MED27: variants seen among roughly 807,000 people sequenced by gnomAD.
The protein encoded by MED27 is mediator of RNA polymerase II transcription subunit 27.
In MED27, 30 loss-of-function variants were observed where a neutral mutation model predicts 38.2. The ratio of observed to expected loss-of-function variants is 0.79; its 90% CI spans 0.59 to 1.07. MED27 has a LOEUF of 1.07. MED27 is among the 50% of genes least tolerant of loss of function. The pLI, the probability that MED27 is intolerant of heterozygous loss-of-function variation, is 0.00. For missense variants in MED27, 289 were observed against 397.5 expected (o/e 0.73, Z 2.32); for synonymous variants, 122 against 153.5 (o/e 0.79, Z 1.52).
chr9:131,998,117 T>C (rs1832134776), intron 3 of MED27, among the ~76,000 whole-genome samples: 2 of 151,778 alleles, frequency 1.3e-5, no homozygotes, highest in South Asian at 4.2e-4. Context: ...TCCCCTCCAT[T>C]TGCAAAGAAC....
intron 3 of MED27, among the ~76,000 whole-genome samples, chr9:132,000,933 T>C (rs1832216996): frequency 6.6e-6 from 1 of 151,666 alleles, no homozygotes; most frequent in Non-Finnish European, 1.5e-5. Context: ...TAGGCCATCT[T>C]TACAAAAAAC....
At chr9:131,886,287 A>G (rs2131490345) in intron 5 of MED27, among the ~76,000 whole-genome samples, 1 of 152,318 alleles carries the variant, frequency 6.6e-6, no homozygotes, top group Non-Finnish European at 1.5e-5. Flanking sequence ...GGTTAAGATG[A>G]TTCTGAGGAG....
At position 131,861,391 on chromosome 9, in the gene MED27, C is replaced by T. The variant is rs148812370; in HGVS notation, c.802-719G>A. 2.0e-5 allele frequency among the ~76,000 whole-genome samples: 3 copies of T among 152,264 alleles called. No homozygotes were observed. Among genetic ancestry groups the T allele is most frequent in the Admixed American group, 1.3e-4 (2 of 15,290 alleles). On this transcript the variant is annotated intron_variant, in intron 7 of 7. Transcript: ENST00000292035. The surrounding 1 kb of genome is among the most constrained non-coding windows in gnomAD (Gnocchi z 4.4). ...GTAAAACAGCAGGCAAGCAAGTTCT[C>T]GCGGTGAAAGGGCACGTGAATCTTG...
intron 3 of MED27, among the ~76,000 whole-genome samples, chr9:131,994,754 C>T (rs1832054408): frequency 6.6e-6 from 1 of 152,174 alleles, no homozygotes; most frequent in Non-Finnish European, 1.5e-5. Flanking sequence ...AGAGTTCTGA[C>T]TTAGGGCAAG....
Position 131,997,339 on chromosome 9 carries a change from C to T in MED27, c.479+16998G>A, listed in dbSNP as rs1832112295. Among the ~76,000 whole-genome samples the T allele has an allele frequency of 6.6e-6, 1 of 152,158 alleles. No homozygotes were observed. The highest frequency in any genetic ancestry group is 2.1e-4 in the South Asian group (1 of 4,826). ...AGGACAGCGATCGACATACAGCCTCCAGCTATCGGCATGTTCAGGGTCAGC... is the reference window on the plus strand; with the variant it reads ...AGGACAGCGATCGACATACAGCCTCTAGCTATCGGCATGTTCAGGGTCAGC... On this transcript the variant is annotated intron_variant, in intron 3 of 7. Coordinates refer to ENST00000292035, the MANE Select transcript of MED27 (RefSeq NM_004269.4). The surrounding 1 kb of genome is among the most constrained non-coding windows in gnomAD (Gnocchi z 4.0).
chr9:131,952,833 C>A (rs534633889), intron 3 of MED27, among the ~76,000 whole-genome samples: 71 of 152,360 alleles, frequency 4.7e-4, no homozygotes, highest in Non-Finnish European at 9.4e-4. Flanking sequence ...AGCCCAGGTA[C>A]TGCCCTAGTC....
intron 3 of MED27, among the ~76,000 whole-genome samples, chr9:131,995,733 T>G (rs1832077088): frequency 6.6e-6 from 1 of 152,164 alleles, no homozygotes; most frequent in Non-Finnish European, 1.5e-5. Context: ...CATCACATAC[T>G]ACCACCCAGC....
intron 6 of MED27, among the ~76,000 whole-genome samples, chr9:131,863,764 G>A (rs1348831343): frequency 1.3e-5 from 2 of 152,168 alleles, no homozygotes; most frequent in Non-Finnish European, 2.9e-5. Context: ...CGGCGCGCCT[G>A]GTGTGGTCCC....
Position 132,079,854 on chromosome 9 carries a change from G to C in MED27, c.-10C>G. On this transcript the variant is annotated 5_prime_UTR_variant, in exon 1 of 8. Coordinates refer to ENST00000292035, the MANE Select transcript of MED27 (RefSeq NM_004269.4). ...TTATCACGTCCGCCATGTTGCCGCC[G>C]CCACAGCAGCTCTCCAAAGCCGGCT... 3 of 1,569,484 alleles carry C rather than the reference G, an allele frequency of 1.9e-6. No homozygotes were observed. The highest frequency in any genetic ancestry group is 2.6e-6 in the Non-Finnish European group (3 of 1,156,036).
chr9:132,050,276 C>T (rs1190170972), intron 2 of MED27, among the ~76,000 whole-genome samples: 1 of 152,118 alleles, frequency 6.6e-6, no homozygotes, highest in Non-Finnish European at 1.5e-5. Context: ...CTGAAAAGTA[C>T]CAGCTATGTT....
intron 2 of MED27, among the ~76,000 whole-genome samples, chr9:132,077,073 G>A (rs971985843): frequency 1.3e-5 from 2 of 152,124 alleles, no homozygotes; most frequent in Non-Finnish European, 2.9e-5. Flanking sequence ...CACCTCCTGG[G>A]GGCCACAGAT....
At chr9:131,998,255 A>C (rs748866330) in intron 3 of MED27, among the ~76,000 whole-genome samples, 2 of 151,630 alleles carry the variant, frequency 1.3e-5, no homozygotes, top group Non-Finnish European at 2.9e-5. Context: ...ATCATCTTAA[A>C]AAAAAAAAAG....
Position 131,887,502 on chromosome 9 carries a change from T to C in MED27, c.682-3403A>G, listed in dbSNP as rs373450667. Among the ~76,000 whole-genome samples the C allele has an allele frequency of 4.7e-4, 72 of 152,312 alleles. No individual in the cohort carries two copies. In the East Asian group the frequency reaches 0.012, roughly 25 times the overall value. On this transcript the variant is annotated intron_variant, in intron 5 of 7. Coordinates refer to ENST00000292035, the MANE Select transcript of MED27 (RefSeq NM_004269.4). Reference sequence around the variant, plus strand: ...CGTACTTGATTTTCTGCTAGATTTATGCCAAAGAAAGCCAGAAATGAGCAT... The same window carrying C: ...CGTACTTGATTTTCTGCTAGATTTACGCCAAAGAAAGCCAGAAATGAGCAT...
At chr9:131,931,469 G>T (rs965699539) in intron 4 of MED27, among the ~76,000 whole-genome samples, 1 of 151,894 alleles carries the variant, frequency 6.6e-6, no homozygotes, top group Admixed American at 6.6e-5. Flanking sequence ...CAGCAAAATG[G>T]AAGAAGTAAG....
chr9:132,032,837 G>A (rs56868098), intron 2 of MED27, among the ~76,000 whole-genome samples: 1,638 of 152,128 alleles, frequency 0.011, 28 homozygotes, highest in African/African-American at 0.038. Flanking sequence ...CTTCTCATGG[G>A]GATCACCTAG....
rs191865982 is a variant in MED27, at chr9:131,999,788, G to A, written c.479+14549C>T. 2.3e-3 allele frequency among the ~76,000 whole-genome samples: 343 copies of A among 152,192 alleles called. 2 individuals are homozygous for A. Among genetic ancestry groups the A allele is most frequent in the Admixed American group, 3.7e-3 (57 of 15,292 alleles). ...AAGCCTGTCACCAGCACCAACTCCA[G>A]CCCCACAGCTATCACATCTGTACAG... On this transcript the variant is annotated intron_variant, in intron 3 of 7. Transcript: ENST00000292035.
chr9:131,904,582 CT>C (rs1278690560), intron 4 of MED27, among the ~76,000 whole-genome samples: 1 of 151,332 alleles, frequency 6.6e-6, no homozygotes, highest in Non-Finnish European at 1.5e-5. Flanking sequence ...TGGCCTTGAA[CT>C]CCCGGCCTCG....
chr9:131,865,765 TTTTA>T (rs1357432267), intron 6 of MED27, among the ~76,000 whole-genome samples: 1 of 152,234 alleles, frequency 6.6e-6, no homozygotes, highest in African/African-American at 2.4e-5. Context: ...CTGGCTGCAC[TTTTA>T]TTTCTTTTGT....
rs1391806549 is a variant in MED27 at position 131,940,378 on chromosome 9, A to C, written c.480-904T>G. 2.0e-5 allele frequency among the ~76,000 whole-genome samples: 3 copies of C among 152,114 alleles called. No homozygotes were observed. The East Asian group carries it at 5.8e-4, about 29-fold the overall frequency. On this transcript the variant is annotated intron_variant, in intron 3 of 7. Coordinates refer to ENST00000292035, the MANE Select transcript of MED27 (RefSeq NM_004269.4). Reference sequence around the variant, plus strand: ...GGCTCATGACTACATTTATTTACTTATACAGCTTTCTGTTTTCTTACATTT... The same window carrying C: ...GGCTCATGACTACATTTATTTACTTCTACAGCTTTCTGTTTTCTTACATTT...
Sources: gnomAD v4.1 joint callset for allele counts (sites outside exome capture counted in the v4.1 genomes callset) on GRCh38, gnomAD v4.1.1 for gene constraint, Gnocchi (gnomAD v3.1) non-coding constraint, MANE v1.5 for transcripts, NCBI Gene and HGNC (gene_info 2026-07-23, HGNC 2026-07-21) for gene names.